Variants in TGFBR1 observed in about 807,000 individuals in gnomAD.
TGFBR1 encodes transforming growth factor beta receptor 1.
In TGFBR1, 20 loss-of-function variants were observed where a neutral mutation model predicts 55.1. That is an observed-to-expected ratio of 0.36 (90% CI 0.26 to 0.53). TGFBR1 has a LOEUF of 0.53. Among genes scored for constraint, TGFBR1 ranks in the 20% least tolerant of loss-of-function variants. The probability of loss-of-function intolerance (pLI) is 0.91; values close to 1 mark genes in which losing one functional copy is unlikely to be tolerated. For synonymous variants in TGFBR1, 220 were observed against 214.8 expected (o/e 1.02, Z -0.21); for missense variants, 385 against 617.6 (o/e 0.62, Z 3.99).
chr9:99,130,969 C>A (rs951420675), intron 2 of TGFBR1, among the ~76,000 whole-genome samples: 1 of 152,058 alleles, frequency 6.6e-6, no homozygotes, highest in African/African-American at 2.4e-5. Context: ...AACTGTGTTA[C>A]AATTCAGAGA....
rs1827939572 is a variant in TGFBR1, at chr9:99,150,165, T to G, written c.*860T>G. 5.3e-6 allele frequency: 1 copy of G among 189,638 alleles called. No individual in the cohort carries two copies. Among genetic ancestry groups the G allele is most frequent in the Admixed American group, 6.2e-5 (1 of 16,230 alleles). The allele number at this position is 189,638 out of a possible 1,614,324, so 11.7% of individuals were successfully genotyped here. ...AAATGTGCTTAAGCCACTAAAGAAA[T>G]GAAGTGGCATTAATTAGTAAATTAT... On this transcript the variant is annotated 3_prime_UTR_variant, in exon 9 of 9. Coordinates refer to ENST00000374994, the MANE Select transcript of TGFBR1 (RefSeq NM_004612.4).
intron 4 of TGFBR1, among the ~76,000 whole-genome samples, 165 bp from the exon 5 acceptor site, chr9:99,142,371 A>C (rs1257586808): frequency 6.6e-6 from 1 of 152,368 alleles, no homozygotes; most frequent in African/African-American, 2.4e-5. Flanking sequence ...TGTACATAAA[A>C]GTATAAAACA....
At chr9:99,146,424 T>G in intron 6 of TGFBR1, 61 bp from the exon 7 acceptor site, 1 of 1,599,616 alleles carries the variant, frequency 6.3e-7, no homozygotes, top group Non-Finnish European at 8.6e-7. Context: ...TGAAAGGAGG[T>G]TCATCCAAAT....
chr9:99,139,086 G>T (rs1827531027), intron 4 of TGFBR1, among the ~76,000 whole-genome samples: 1 of 151,886 alleles, frequency 6.6e-6, no homozygotes, highest in South Asian at 2.1e-4. Context: ...ATGAGCCACT[G>T]TGCCCAGCCC....
At chr9:99,144,915 T>C (rs1489746853) in intron 6 of TGFBR1, 27 bp downstream of exon 6, 1 of 1,611,730 alleles carries the variant, frequency 6.2e-7, no homozygotes, top group Non-Finnish European at 8.5e-7. Context: ...CTATATTTAA[T>C]ATCTTCTGAA....
At chr9:99,127,771 A>G (rs990659492) in intron 1 of TGFBR1, 14 of 365,140 alleles carry the variant, frequency 3.8e-5, no homozygotes, top group Non-Finnish European at 5.4e-5. Flanking sequence ...CTTTGCCAAC[A>G]AGTAATTGGA....
intron 1 of TGFBR1, among the ~76,000 whole-genome samples, chr9:99,111,080 G>T: frequency 6.6e-6 from 1 of 152,106 alleles, no homozygotes; most frequent in East Asian, 1.9e-4. Flanking sequence ...GATACTAACA[G>T]TCTTTCTTTA....
At chr9:99,147,497 G>A (rs181176569) in intron 7 of TGFBR1, among the ~76,000 whole-genome samples, 157 bp from the exon 8 acceptor site, 1 of 152,194 alleles carries the variant, frequency 6.6e-6, no homozygotes, top group Non-Finnish European at 1.5e-5. Flanking sequence ...GTGGCTTGTG[G>A]ATACAGATGT....
intron 1 of TGFBR1, among the ~76,000 whole-genome samples, chr9:99,111,608 G>A (rs1399867113): frequency 2.0e-5 from 3 of 151,882 alleles, no homozygotes; most frequent in Non-Finnish European, 2.9e-5. Context: ...CAGCCCGGGC[G>A]ACAGAGTGAA....
At position 99,147,570 on chromosome 9, in the gene TGFBR1, A is replaced by C. The variant is rs550697409; in HGVS notation, c.1256-84A>C. 5 of 1,284,920 alleles carry C rather than the reference A, an allele frequency of 3.9e-6. No homozygotes were observed. In the South Asian group the frequency reaches 4.9e-5, roughly 12 times the overall value. 79.6% of individuals were successfully genotyped at this position (1,284,920 alleles called of 1,614,324 possible). ...ACCTACTTTAGTAATGAAACACTGT[A>C]ATAGGTCTCTCAGGTGATCTTTTAA... On this transcript the variant is annotated intron_variant, in intron 7 of 8. Transcript: ENST00000374994.
chr9:99,151,193 A>G lies in TGFBR1; in HGVS notation c.*1888A>G, dbSNP rs1827969870. ...TACATAGGAATTTAGTGTCAATTTC[A>G]TGTGTTTAAAAACATCATGGGAAAA... On this transcript the variant is annotated 3_prime_UTR_variant, in exon 9 of 9. Coordinates refer to ENST00000374994, the MANE Select transcript of TGFBR1 (RefSeq NM_004612.4). 1 of 230,780 alleles carries G rather than the reference A, an allele frequency of 4.3e-6. No homozygotes were observed. The highest frequency in any genetic ancestry group is 2.2e-5 in the African/African-American group (1 of 45,348). The allele number at this position is 230,780 out of a possible 1,614,324, so 14.3% of individuals were successfully genotyped here. A position where few individuals can be genotyped will look rare whatever the true frequency, so the allele number is the denominator to read the frequency against.
chr9:99,133,996 TAAAA>T (rs550064982), intron 3 of TGFBR1, among the ~76,000 whole-genome samples: 1 of 110,616 alleles, frequency 9.0e-6, no homozygotes, highest in Non-Finnish European at 1.9e-5. Context: ...AGACTCCATC[TAAAA>T]AAAAAAAAAA....
chr9:99,140,469 CAACAAAACAA>C (rs375241796), intron 4 of TGFBR1, among the ~76,000 whole-genome samples: 8 of 151,330 alleles, frequency 5.3e-5, no homozygotes, highest in Admixed American at 2.0e-4. Flanking sequence ...AAAAAAACAA[CAACAAAACAA>C]AACAAAACAA....
upstream of TGFBR1, among the ~76,000 whole-genome samples, chr9:99,103,787 C>G (rs888360203): frequency 9.9e-5 from 15 of 152,160 alleles, no homozygotes; most frequent in African/African-American, 3.6e-4. Flanking sequence ...GTCTCAGATC[C>G]CAGCTCCAAT....
chr9:99,124,974 A>G (rs889576253), intron 1 of TGFBR1, among the ~76,000 whole-genome samples: 1 of 152,188 alleles, frequency 6.6e-6, no homozygotes, highest in Admixed American at 6.6e-5. Flanking sequence ...CTCATACACC[A>G]CTATAAACCA....
At chr9:99,138,728 T>G (rs1251748335) in intron 4 of TGFBR1, among the ~76,000 whole-genome samples, 2 of 151,910 alleles carry the variant, frequency 1.3e-5, no homozygotes, top group Non-Finnish European at 2.9e-5. Context: ...GAGTGGGGAC[T>G]GCAAGCAGTG....
chr9:99,112,499 TTTA>T (rs1377862608), intron 1 of TGFBR1, among the ~76,000 whole-genome samples: 1 of 152,226 alleles, frequency 6.6e-6, no homozygotes, highest in African/African-American at 2.4e-5. Flanking sequence ...TTATTTACTG[TTTA>T]TTGTCTCCTT....
chr9:99,141,009 C>T (rs1827599152), intron 4 of TGFBR1, among the ~76,000 whole-genome samples: 1 of 152,192 alleles, frequency 6.6e-6, no homozygotes, highest in Non-Finnish European at 1.5e-5. Context: ...AGCCCCTCCA[C>T]CTCAGTTCCT....
At chr9:99,138,560 A>G (rs140198944) in intron 4 of TGFBR1, among the ~76,000 whole-genome samples, 1 of 152,332 alleles carries the variant, frequency 6.6e-6, no homozygotes, top group East Asian at 1.9e-4. Context: ...CAAGGGCTAA[A>G]TAGATGAATC....
Sources: gnomAD v4.1 joint callset for allele counts (sites outside exome capture counted in the v4.1 genomes callset) on GRCh38, gnomAD v4.1.1 for gene constraint, MANE v1.5 for transcripts, NCBI Gene and HGNC (gene_info 2026-07-23, HGNC 2026-07-21) for gene names.